Variants in FIP1L1 observed in about 807,000 individuals in gnomAD.
The protein encoded by FIP1L1 is pre-mRNA 3'-end-processing factor FIP1.
FIP1L1 carries 21 observed loss-of-function variants against 84.6 expected under a neutral mutation model. The ratio of observed to expected loss-of-function variants is 0.25; its 90% CI spans 0.18 to 0.36. The LOEUF is 0.36. Among genes scored for constraint, FIP1L1 ranks in the 10% least tolerant of loss-of-function variants. The pLI, the probability that FIP1L1 is intolerant of heterozygous loss-of-function variation, is 1.00. For missense variants in FIP1L1, 526 were observed against 751.1 expected (o/e 0.70, Z 3.50); for synonymous variants, 263 against 242.3 (o/e 1.09, Z -0.80).
intron 4 of FIP1L1, among the ~76,000 whole-genome samples, chr4:53,383,166 T>G (rs574099695): frequency 6.6e-6 from 1 of 152,218 alleles, no homozygotes; most frequent in East Asian, 1.9e-4. Flanking sequence ...CTTAGTAAGT[T>G]GCTTTAGATC....
At chr4:53,448,781 A>G (rs1775231272) in intron 15 of FIP1L1, among the ~76,000 whole-genome samples, 1 of 152,144 alleles carries the variant, frequency 6.6e-6, no homozygotes. Context: ...TCAGTGATCA[A>G]GGACTTTCTC....
intron 10 of FIP1L1, among the ~76,000 whole-genome samples, chr4:53,410,116 C>G (rs1560525533): frequency 6.6e-6 from 1 of 152,200 alleles, no homozygotes; most frequent in East Asian, 1.9e-4. Flanking sequence ...CGGAGTTGTT[C>G]CTATTTGGCC....
Position 53,391,138 on chromosome 4 carries a change from C to G in FIP1L1, c.635C>G (p.Thr212Arg), listed in dbSNP as rs765081392. The G allele has an allele frequency of 7.5e-6, 12 of 1,596,364 alleles. No individual in the cohort carries two copies. The highest frequency in any genetic ancestry group is 9.4e-6 in the Non-Finnish European group (11 of 1,175,146). Residue 212 changes from threonine to arginine, a missense_variant and splice_region_variant, in exon 8 of 18, where the codon ACG becomes AGG. Physicochemically the swap from Thr to Arg is moderately conservative, Grantham distance 71. Around this residue, in one of 6 missense-constraint regions of FIP1L1, gnomAD observed 169 missense variants for 206.9 expected, o/e 0.82. Transcript: ENST00000337488. The part of the protein sequence containing the change: ...IPVTSTTNKI[T>R]AEDCTMEVTP... Reference sequence around the variant, plus strand: ...GTAACCTCTACTACAAATAAAATTACGGTAATTAATAAATACTCCGGAATA... The same window carrying G: ...GTAACCTCTACTACAAATAAAATTAGGGTAATTAATAAATACTCCGGAATA...
intron 11 of FIP1L1, among the ~76,000 whole-genome samples, chr4:53,417,755 A>ACG (rs1760275073): frequency 2.6e-5 from 1 of 37,896 alleles, no homozygotes; most frequent in Non-Finnish European, 5.6e-5. Context: ...ACACACACAC[A>ACG]CACACACACT....
Position 53,378,967 on chromosome 4 carries a change from TA to T in FIP1L1, c.86-103del, listed in dbSNP as rs1002099496. 4 of 1,140,570 alleles carry T rather than the reference TA, an allele frequency of 3.5e-6. No homozygotes were observed. The African/African-American group carries it at 6.3e-5, about 18-fold the overall frequency. 70.7% of individuals were successfully genotyped at this position (1,140,570 alleles called of 1,614,324 possible). On this transcript the variant is annotated intron_variant, in intron 1 of 17. Transcript: ENST00000337488. ...AGATCTGGAAATCTTCATTACCTCT[TA>T]AATTTAAGCTTATTTTTATAGCAGT...
intron 10 of FIP1L1, among the ~76,000 whole-genome samples, chr4:53,407,738 G>C (rs554709479): frequency 7.0e-4 from 107 of 152,170 alleles, no homozygotes; most frequent in African/African-American, 2.5e-3. Context: ...GATCCCTTTA[G>C]CATTATGTAA....
chr4:53,403,997 C>T (rs373170171), intron 10 of FIP1L1, among the ~76,000 whole-genome samples: 2 of 127,114 alleles, frequency 1.6e-5, no homozygotes, highest in African/African-American at 5.8e-5. Flanking sequence ...CTCCAGTCAT[C>T]GTATAAAATG....
chr4:53,460,780 C>T lies in FIP1L1; in HGVS notation c.*1331C>T. ...GTGTAACTGGCTTTCATTAGATGAT[C>T]ATACTTTTCCTGACATTTTTACAAT... On this transcript the variant is annotated 3_prime_UTR_variant, in exon 18 of 18. Coordinates refer to ENST00000337488, the MANE Select transcript of FIP1L1 (RefSeq NM_030917.4). The T allele has an allele frequency of 1.0e-6, 1 of 978,310 alleles. No homozygotes were observed. Among genetic ancestry groups the T allele is most frequent in the Non-Finnish European group, 1.5e-6 (1 of 668,140 alleles). 60.6% of individuals were successfully genotyped at this position (978,310 alleles called of 1,614,324 possible).
rs975238346 is a variant in FIP1L1, at chr4:53,459,814, G to A, written c.*365G>A. On this transcript the variant is annotated 3_prime_UTR_variant, in exon 18 of 18. Transcript: ENST00000337488. ...TGTTAATCAAACACCACTCTCTTAAGAGGCTGCATCACAAAAGGCAACAAA... is the reference window on the plus strand; with the variant it reads ...TGTTAATCAAACACCACTCTCTTAAAAGGCTGCATCACAAAAGGCAACAAA... 3.4e-6 allele frequency: 1 copy of A among 295,112 alleles called. No homozygotes were observed. The highest frequency in any genetic ancestry group is 2.2e-5 in the African/African-American group (1 of 45,892). The allele number at this position is 295,112 out of a possible 1,614,324, so 18.3% of individuals were successfully genotyped here. A position where few individuals can be genotyped will look rare whatever the true frequency, so the allele number is the denominator to read the frequency against.
At chr4:53,406,335 A>G (rs1470039090) in intron 10 of FIP1L1, among the ~76,000 whole-genome samples, 2 of 152,238 alleles carry the variant, frequency 1.3e-5, no homozygotes, top group African/African-American at 4.8e-5. Flanking sequence ...ATATTGAACC[A>G]GCCTTGCATC....
intron 10 of FIP1L1, among the ~76,000 whole-genome samples, chr4:53,405,483 C>T (rs563268224): frequency 5.9e-5 from 9 of 151,570 alleles, no homozygotes; most frequent in South Asian, 2.1e-4. Flanking sequence ...ATTGCCTTGG[C>T]GATGCGGGCT....
intron 15 of FIP1L1, among the ~76,000 whole-genome samples, chr4:53,448,492 T>A (rs1314499219): frequency 1.3e-5 from 2 of 152,166 alleles, no homozygotes; most frequent in Non-Finnish European, 2.9e-5. Context: ...TAATAACATT[T>A]GTATAGTACT....
chr4:53,429,229 T>A (rs1392326232), intron 13 of FIP1L1, among the ~76,000 whole-genome samples: 2 of 152,186 alleles, frequency 1.3e-5, no homozygotes, highest in African/African-American at 4.8e-5. Context: ...AAAAAATGAC[T>A]TGTGGCTTTA....
intron 13 of FIP1L1, chr4:53,440,642 T>G (rs1157150751): frequency 7.0e-7 from 1 of 1,428,620 alleles, no homozygotes; most frequent in East Asian, 2.4e-5. Flanking sequence ...CCATCATTGT[T>G]AATAAACATG....
chr4:53,420,024 G>A (rs1002587054), intron 11 of FIP1L1, among the ~76,000 whole-genome samples: 1 of 151,550 alleles, frequency 6.6e-6, no homozygotes, highest in African/African-American at 2.4e-5. Context: ...GTGCAACCCC[G>A]TCTCTACTAA....
At chr4:53,395,348 A>G (rs2149435455) in intron 9 of FIP1L1, among the ~76,000 whole-genome samples, 1 of 152,326 alleles carries the variant, frequency 6.6e-6, no homozygotes, top group Middle Eastern at 3.4e-3. Flanking sequence ...TTTTCCTAAT[A>G]TCTTCTCTGA....
intron 13 of FIP1L1, among the ~76,000 whole-genome samples, chr4:53,434,018 C>A (rs1767954570): frequency 6.6e-6 from 1 of 152,074 alleles, no homozygotes; most frequent in Admixed American, 6.5e-5. Flanking sequence ...CTAAGTCCTG[C>A]ATTCTCATTA....
At chr4:53,405,448 C>G (rs1356485724) in intron 10 of FIP1L1, among the ~76,000 whole-genome samples, 2 of 152,034 alleles carry the variant, frequency 1.3e-5, no homozygotes. Context: ...AGCTTGATGC[C>G]TCCAGTTTGT....
At chr4:53,382,418 T>C in intron 4 of FIP1L1, 83 bp downstream of exon 4, 1 of 1,096,146 alleles carries the variant, frequency 9.1e-7, no homozygotes, top group Middle Eastern at 2.0e-4. Flanking sequence ...AAGCTGGCAT[T>C]TTACATTACC....
Sources: allele counts gnomAD v4.1 joint callset (sites outside exome capture counted in the v4.1 genomes callset), GRCh38; gene constraint gnomAD v4.1.1; regional missense constraint gnomAD v4.1.1; transcripts MANE v1.5; gene names NCBI Gene and HGNC (gene_info 2026-07-23, HGNC 2026-07-21).